The following OSBPL9 variants were observed in gnomAD, a reference collection of about 807,000 sequenced individuals.
OSBPL9 encodes the protein oxysterol-binding protein-related protein 9.
OSBPL9 carries 40 observed loss-of-function variants against 106.6 expected under a neutral mutation model. The ratio of observed to expected loss-of-function variants is 0.38; its 90% CI spans 0.29 to 0.49. The LOEUF is 0.49. OSBPL9 is among the 20% of genes least tolerant of loss of function. OSBPL9 has a pLI of 0.97. For missense variants in OSBPL9, 609 were observed against 887.2 expected (o/e 0.69, Z 3.98); for synonymous variants, 269 against 295.4 (o/e 0.91, Z 0.92).
At chr1:51,726,716 A>G (rs1160546308) in intron 4 of OSBPL9, among the ~76,000 whole-genome samples, 1 of 152,194 alleles carries the variant, frequency 6.6e-6, no homozygotes, top group Non-Finnish European at 1.5e-5. Context: ...CACCTGTCAC[A>G]TATGAGTTTT....
At chr1:51,563,179 C>A in the OSBPL9 span, among the ~76,000 whole-genome samples, 1 of 152,146 alleles carries the variant, frequency 6.6e-6, no homozygotes, top group Non-Finnish European at 1.5e-5. Context: ...CACTGCACTG[C>A]AGCCTGGGTG....
intron 12 of OSBPL9, among the ~76,000 whole-genome samples, chr1:51,767,508 CAG>C (rs1027061914): frequency 1.3e-5 from 2 of 151,954 alleles, no homozygotes; most frequent in African/African-American, 4.8e-5. Flanking sequence ...TCTGCTTTCT[CAG>C]GGGACTGTTA....
intron 10 of OSBPL9, 76 bp from the exon 11 acceptor site, chr1:51,761,791 A>ATC (rs1671561149): frequency 8.7e-7 from 1 of 1,151,754 alleles, no homozygotes; most frequent in South Asian, 1.3e-5. Flanking sequence ...AGGATTTTGA[A>ATC]TCCCAGACAA....
intron 3 of OSBPL9, among the ~76,000 whole-genome samples, chr1:51,671,210 G>T (rs1027272030): frequency 2.6e-5 from 4 of 151,986 alleles, no homozygotes; most frequent in Non-Finnish European, 1.5e-5. Context: ...AAAGAACTTG[G>T]TAAGACTGTA....
At chr1:51,606,281 G>A (rs1026902931) in intron 2 of OSBPL9, among the ~76,000 whole-genome samples, 6 of 152,200 alleles carry the variant, frequency 3.9e-5, no homozygotes, top group Non-Finnish European at 7.3e-5. Context: ...GTTGCCGTGT[G>A]TGGCAACACA....
chr1:51,613,759 C>G (rs1315941436), upstream of OSBPL9, among the ~76,000 whole-genome samples: 3 of 148,408 alleles, frequency 2.0e-5, no homozygotes, highest in African/African-American at 7.5e-5. Context: ...TTTTTTGAGA[C>G]AGGGTCTTGA....
At chr1:51,698,249 A>G (rs1264215106) in intron 3 of OSBPL9, among the ~76,000 whole-genome samples, 1 of 152,162 alleles carries the variant, frequency 6.6e-6, no homozygotes, top group African/African-American at 2.4e-5. Context: ...CTTAAGAGAT[A>G]CTAAAAAGCA....
the OSBPL9 span, among the ~76,000 whole-genome samples, chr1:51,545,303 A>G: frequency 7.2e-5 from 11 of 152,378 alleles, no homozygotes; most frequent in African/African-American, 2.6e-4. Context: ...ATAGACAAAT[A>G]CATAGATACA....
chr1:51,678,165 A>G (rs1211546806), intron 3 of OSBPL9, among the ~76,000 whole-genome samples: 4 of 152,134 alleles, frequency 2.6e-5, no homozygotes. Context: ...CCTGGGTGAC[A>G]CAGTGAGACC....
chr1:51,714,542 G>A (rs1021213162), intron 4 of OSBPL9, among the ~76,000 whole-genome samples: 6 of 152,178 alleles, frequency 3.9e-5, no homozygotes, highest in African/African-American at 1.4e-4. Flanking sequence ...TCATGAAGAA[G>A]AAAGTAAATC....
intron 1 of OSBPL9, among the ~76,000 whole-genome samples, chr1:51,642,124 A>G (rs1645839080): frequency 6.6e-6 from 1 of 152,208 alleles, no homozygotes; most frequent in South Asian, 2.1e-4. Flanking sequence ...TTTTCTGACC[A>G]ACATAATCAG....
the OSBPL9 span, among the ~76,000 whole-genome samples, chr1:51,544,163 A>T: frequency 6.6e-6 from 1 of 152,198 alleles, no homozygotes; most frequent in Non-Finnish European, 1.5e-5. Context: ...CATTTCACAG[A>T]TGAAGAAACT....
At chr1:51,718,024 C>T (rs181612843) in intron 4 of OSBPL9, among the ~76,000 whole-genome samples, 1 of 152,312 alleles carries the variant, frequency 6.6e-6, no homozygotes, top group Admixed American at 6.5e-5. Context: ...TACTATTCAG[C>T]TGTGAAAAAG....
chr1:51,543,675 G>A, the OSBPL9 span, among the ~76,000 whole-genome samples: 1,190 of 152,324 alleles, frequency 7.8e-3, 13 homozygotes, highest in African/African-American at 0.026. Context: ...GATTACAGGC[G>A]TGAGCCACTG....
Position 51,617,330 on chromosome 1 carries a change from G to A in OSBPL9, c.111+109G>A, listed in dbSNP as rs1644108913. The A allele has an allele frequency of 1.2e-4, 135 of 1,102,468 alleles. No homozygotes were observed. In the South Asian group the frequency reaches 2.1e-3, roughly 17 times the overall value. The allele number at this position is 1,102,468 out of a possible 1,614,324, so 68.3% of individuals were successfully genotyped here. On this transcript the variant is annotated intron_variant, in intron 1 of 23. Coordinates refer to ENST00000428468, the MANE Select transcript of OSBPL9 (RefSeq NM_024586.6). ...GAGTTGAGGTTGCTAGTCTGGGGGT[G>A]CCGCCGTACGCGAGGGTTCCCTTGT...
At chr1:51,640,487 A>T (rs1645718356) in intron 1 of OSBPL9, among the ~76,000 whole-genome samples, 2 of 152,192 alleles carry the variant, frequency 1.3e-5, no homozygotes, top group South Asian at 2.1e-4. Context: ...TTTTTATTAG[A>T]TATTATTAAT....
At chr1:51,693,289 T>C (rs1047288073) in intron 3 of OSBPL9, among the ~76,000 whole-genome samples, 2 of 151,716 alleles carry the variant, frequency 1.3e-5, no homozygotes, top group Non-Finnish European at 2.9e-5. Flanking sequence ...GGAGGGTCGC[T>C]TGAGCCCAGG....
the OSBPL9 span, among the ~76,000 whole-genome samples, chr1:51,552,966 T>TAA: frequency 6.9e-6 from 1 of 144,930 alleles, no homozygotes; most frequent in Non-Finnish European, 1.5e-5. Flanking sequence ...CAAAGTTCTT[T>TAA]AAAAAAAAAA....
intron 12 of OSBPL9, among the ~76,000 whole-genome samples, chr1:51,769,917 G>T (rs1375687101): frequency 1.3e-5 from 2 of 152,110 alleles, no homozygotes; most frequent in Admixed American, 1.3e-4. Flanking sequence ...TGATTTAAAA[G>T]ATTGACTCTA....
Sources: allele counts gnomAD v4.1 joint callset (sites outside exome capture counted in the v4.1 genomes callset), GRCh38; gene constraint gnomAD v4.1.1; transcripts MANE v1.5; gene names NCBI Gene and HGNC (gene_info 2026-07-23, HGNC 2026-07-21).